Variants in IL17RD observed in about 807,000 individuals in gnomAD.
IL17RD encodes interleukin-17 receptor D.
Under a neutral mutation model 80.5 loss-of-function variants are expected in IL17RD, and 52 were observed. The ratio of observed to expected loss-of-function variants is 0.65; its 90% confidence interval spans 0.52 to 0.81. The LOEUF (loss-of-function observed/expected upper bound fraction) is 0.81. IL17RD is among the 40% of genes least tolerant of loss of function. IL17RD has a pLI of 0.00. For synonymous variants in IL17RD, 416 were observed against 391.8 expected, an observed-to-expected ratio of 1.06 and a Z score of -0.73; for missense variants, 1,024 against 955.1, an observed-to-expected ratio of 1.07 and a Z score of -0.95.
intron 1 of IL17RD, among the ~76,000 whole-genome samples, chr3:57,138,089 G>A (rs1232547220): frequency 7.9e-5 from 12 of 152,120 alleles, no homozygotes; most frequent in Non-Finnish European, 1.8e-4. Context: ...AGATAGCCAG[G>A]GGCTGCGGGG....
At chr3:57,152,997 A>G (rs2060239506) in intron 1 of IL17RD, among the ~76,000 whole-genome samples, 1 of 152,254 alleles carries the variant, frequency 6.6e-6, no homozygotes, top group South Asian at 2.1e-4. Context: ...GGCGACATCT[A>G]TAACTGCAAC....
intron 1 of IL17RD, among the ~76,000 whole-genome samples, chr3:57,121,012 C>T (rs916437021): frequency 2.6e-5 from 4 of 152,156 alleles, no homozygotes; most frequent in Admixed American, 6.5e-5. Context: ...GAGTGAGCCC[C>T]GGAATCCTCC....
upstream of IL17RD, among the ~76,000 whole-genome samples, chr3:57,166,464 C>T (rs367815307): frequency 3.3e-5 from 5 of 152,120 alleles, no homozygotes; most frequent in African/African-American, 1.2e-4. Context: ...TCCTGCCAAC[C>T]GCACTGAAGC....
Position 57,108,676 on chromosome 3 carries a change from C to T in IL17RD, c.550+861G>A, listed in dbSNP as rs559251644. 1.9e-4 allele frequency among the ~76,000 whole-genome samples: 29 copies of T among 151,820 alleles called. 1 individual carries two copies. The highest frequency in any genetic ancestry group is 4.4e-4 in the African/African-American group (18 of 41,368). ...GACTACAGGCGCACACCATGACGCC[C>T]GGCTAATTTTTGTATTTTTAGTACA... On this transcript the variant is annotated intron_variant, in intron 5 of 12. Transcript: ENST00000296318.
At chr3:57,116,590 T>C (rs2107493439) in intron 2 of IL17RD, among the ~76,000 whole-genome samples, 1 of 152,222 alleles carries the variant, frequency 6.6e-6, no homozygotes, top group East Asian at 1.9e-4. Flanking sequence ...TGGCCCATAT[T>C]TACATTTCAA....
chr3:57,160,623 C>T (rs925756481), intron 1 of IL17RD, among the ~76,000 whole-genome samples: 3 of 152,140 alleles, frequency 2.0e-5, no homozygotes, highest in African/African-American at 7.2e-5. Context: ...AGCCTGACCC[C>T]TTTTATCGGT....
chr3:57,138,034 T>C (rs1308639691), intron 1 of IL17RD, among the ~76,000 whole-genome samples: 1 of 152,208 alleles, frequency 6.6e-6, no homozygotes, highest in East Asian at 1.9e-4. Context: ...TGACTACATT[T>C]ATATGCGGTA....
At position 57,105,841 on chromosome 3, in the gene IL17RD, A is replaced by T; in HGVS notation, c.747+16T>A. 6.2e-7 allele frequency: 1 copy of T among 1,611,322 alleles called. No homozygotes were observed. Among genetic ancestry groups the T allele is most frequent in the Non-Finnish European group, 8.5e-7 (1 of 1,178,690 alleles). ...TGAAACACGCAGTGTTCCTTTATAT[A>T]CACCCAGCAGCTCACCTGCTTACAG... On this transcript the variant is annotated intron_variant, in intron 7 of 12. Coordinates refer to ENST00000296318, the MANE Select transcript of IL17RD (RefSeq NM_017563.5).
intron 1 of IL17RD, among the ~76,000 whole-genome samples, chr3:57,122,819 G>A (rs939623027): frequency 4.0e-5 from 6 of 149,678 alleles, no homozygotes; most frequent in African/African-American, 7.4e-5. Flanking sequence ...AAATGAAGCC[G>A]GGTACAGGAG....
chr3:57,100,617 G>C (rs1028502611), intron 11 of IL17RD, among the ~76,000 whole-genome samples: 1 of 152,112 alleles, frequency 6.6e-6, no homozygotes, highest in African/African-American at 2.4e-5. Flanking sequence ...TGCATCATGA[G>C]TTTCTCCCTG....
chr3:57,117,981 A>G (rs189706100), intron 2 of IL17RD, among the ~76,000 whole-genome samples: 12 of 152,216 alleles, frequency 7.9e-5, no homozygotes, highest in Non-Finnish European at 1.2e-4. Context: ...TGGTATTATT[A>G]AAAAAACAGC....
chr3:57,150,831 C>T (rs965640312), intron 1 of IL17RD, among the ~76,000 whole-genome samples: 1 of 152,238 alleles, frequency 6.6e-6, no homozygotes, highest in Non-Finnish European at 1.5e-5. Flanking sequence ...TCAGCATCTT[C>T]TCAGAAAACC....
intron 1 of IL17RD, among the ~76,000 whole-genome samples, chr3:57,127,626 C>A (rs1442149125): frequency 6.6e-6 from 1 of 151,588 alleles, no homozygotes; most frequent in Non-Finnish European, 1.5e-5. Flanking sequence ...AGCCTGGTCT[C>A]GAACTCCTGA....
At chr3:57,146,505 C>G (rs28460546) in intron 1 of IL17RD, among the ~76,000 whole-genome samples, 2,595 of 152,102 alleles carry the variant, frequency 0.017, 77 homozygotes, top group African/African-American at 0.058. Context: ...AATCCCAGCA[C>G]GTTGGAAGGC....
chr3:57,134,475 A>T, intron 1 of IL17RD: 1 of 904,096 alleles, frequency 1.1e-6, no homozygotes, highest in Non-Finnish European at 1.8e-6. Context: ...TGAATCTAAG[A>T]AGATTGATCA....
At position 57,098,463 on chromosome 3, in the gene IL17RD, C is replaced by T. The variant is rs1490119308; in HGVS notation, c.1240G>A (p.Glu414Lys). ...QREWVIQKIH[E>K]SQFIIVVCSK... ...CAAACCACAATGATGAACTGGGACTCGTGGATCTTCTGGATGACCCATTCT... is the reference window on the plus strand; with the variant it reads ...CAAACCACAATGATGAACTGGGACTTGTGGATCTTCTGGATGACCCATTCT... Residue 414 changes from glutamate to lysine, a missense_variant, in exon 12 of 13, where the codon GAG becomes AAG. Coordinates refer to ENST00000296318, the MANE Select transcript of IL17RD (RefSeq NM_017563.5). The T allele has an allele frequency of 3.7e-6, 6 of 1,613,936 alleles. No individual in the cohort carries two copies. Among genetic ancestry groups the T allele is most frequent in the African/African-American group, 1.3e-5 (1 of 75,034 alleles).
In IL17RD at chr3:57,127,412, A is replaced by ATAT. The variant is rs1246159104; in HGVS notation, c.127-7100_127-7099insATA. ...AATAAATAAATATATATATATATAT[A>ATAT]TTTTTTTTTTGAGATAAGAGTCTTG... On this transcript the variant is annotated intron_variant, in intron 1 of 12. Transcript: ENST00000296318. 8.9e-4 allele frequency among the ~76,000 whole-genome samples: 81 copies of ATAT among 91,190 alleles called. 6 individuals carry two copies. Among genetic ancestry groups the ATAT allele is most frequent in the African/African-American group, 3.2e-3 (66 of 20,468 alleles). 59.8% of individuals were successfully genotyped at this position (91,190 alleles called of 152,430 possible). A position where few individuals can be genotyped will look rare whatever the true frequency, so the allele number is the denominator to read the frequency against.
chr3:57,100,556 T>C (rs1037900244), intron 11 of IL17RD, among the ~76,000 whole-genome samples: 1 of 152,256 alleles, frequency 6.6e-6, no homozygotes, highest in African/African-American at 2.4e-5. Context: ...TATTGTTTTC[T>C]GGGAGTGCTC....
rs772860927 is a variant in IL17RD at position 57,104,331 on chromosome 3, G to A, written c.813+11C>T. The A allele has an allele frequency of 1.1e-5, 18 of 1,584,724 alleles. No homozygotes were observed. In the Admixed American group the frequency reaches 1.5e-4, roughly 13 times the overall value. The stretch of plus-strand genomic sequence containing the variant: ...TATAGCATTAATAGGGCTTTCTTGT[G>A]TTATGCATACCTCAATTATATAATC... On this transcript the variant is annotated intron_variant, in intron 8 of 12. Coordinates refer to ENST00000296318, the MANE Select transcript of IL17RD (RefSeq NM_017563.5).
Sources: allele counts gnomAD v4.1 joint callset (sites outside exome capture counted in the v4.1 genomes callset), GRCh38; gene constraint gnomAD v4.1.1; transcripts MANE v1.5; gene names NCBI Gene and HGNC (gene_info 2026-07-23, HGNC 2026-07-21).